Variants in GRM7 observed in about 807,000 individuals in gnomAD.
The protein encoded by GRM7 is glutamate metabotropic receptor 7, also known as metabotropic glutamate receptor 7.
In GRM7, 35 loss-of-function variants were observed where a neutral mutation model predicts 84.5. The observed-to-expected ratio is 0.41, with a 90% CI of 0.32 to 0.55. GRM7 has a LOEUF of 0.55. Among genes scored for constraint, GRM7 ranks in the 20% least tolerant of loss-of-function variants. GRM7 has a pLI of 0.19. For synonymous variants in GRM7, 487 were observed against 455.1 expected (o/e 1.07, Z -0.89); for missense variants, 1,003 against 1,194.6 (o/e 0.84, Z 2.36).
rs778511571 is a variant in GRM7 at position 7,680,245 on chromosome 3, G to A, written c.2648G>A (p.Arg883Lys). ...SSRLSHKPSD[R>K]PNGEAKTELC... is the part of the protein sequence containing the mutation. The stretch of plus-strand genomic sequence containing the variant: ...AGGCTGTCACACAAACCCAGTGACA[G>A]ACCCAACGGTGAGGCAAAGACCGAG... Residue 883 changes from arginine to lysine, a missense_variant, in exon 9 of 10, where the codon AGA becomes AAA. Coordinates refer to ENST00000357716, the MANE Select transcript of GRM7 (RefSeq NM_000844.4). 4.6e-5 allele frequency: 74 copies of A among 1,614,056 alleles called. No individual in the cohort carries two copies. Among genetic ancestry groups the A allele is most frequent in the Non-Finnish European group, 6.0e-5 (71 of 1,179,986 alleles).
intron 5 of GRM7, among the ~76,000 whole-genome samples, chr3:7,435,770 A>G (rs1575332007): frequency 7.1e-6 from 1 of 141,548 alleles, no homozygotes. Flanking sequence ...TCACTGCAAG[A>G]TCTGCCTGCC....
At chr3:7,045,671 A>T (rs1210228475) in intron 1 of GRM7, among the ~76,000 whole-genome samples, 1 of 152,136 alleles carries the variant, frequency 6.6e-6, no homozygotes, top group Admixed American at 6.6e-5. Context: ...ATTTCACTTA[A>T]CATAATGACT....
intron 9 of GRM7, among the ~76,000 whole-genome samples, chr3:7,696,394 A>C (rs919928627): frequency 6.6e-6 from 1 of 152,186 alleles, no homozygotes; most frequent in Non-Finnish European, 1.5e-5. Flanking sequence ...GCAAGATGGC[A>C]AGTTTGTTTG....
intron 8 of GRM7, among the ~76,000 whole-genome samples, chr3:7,625,395 TA>T (rs1295551886): frequency 2.6e-5 from 4 of 152,176 alleles, no homozygotes; most frequent in Non-Finnish European, 5.9e-5. Context: ...ACAGGGGATA[TA>T]TTTTTTTAAT....
At chr3:6,992,093 A>G (rs1694656022) in intron 1 of GRM7, among the ~76,000 whole-genome samples, 2 of 152,214 alleles carry the variant, frequency 1.3e-5, no homozygotes, top group African/African-American at 4.8e-5. Context: ...GGAAAGAGAA[A>G]GAGAGGATGA....
chr3:7,246,380 C>A (rs1300080579), intron 2 of GRM7, among the ~76,000 whole-genome samples: 1 of 152,088 alleles, frequency 6.6e-6, no homozygotes, highest in Non-Finnish European at 1.5e-5. Flanking sequence ...TTTGCAGGAG[C>A]CCTGGAAACT....
At chr3:6,968,706 T>G (rs892963392) in intron 1 of GRM7, among the ~76,000 whole-genome samples, 1 of 152,204 alleles carries the variant, frequency 6.6e-6, no homozygotes, top group Non-Finnish European at 1.5e-5. Context: ...TTGTGCTCCT[T>G]TGGGCTCAGG....
chr3:6,960,097 G>A (rs1693231797), intron 1 of GRM7, among the ~76,000 whole-genome samples: 1 of 152,170 alleles, frequency 6.6e-6, no homozygotes, highest in Non-Finnish European at 1.5e-5. Flanking sequence ...TAATTCTAGT[G>A]TTAAATCAGG....
intron 1 of GRM7, among the ~76,000 whole-genome samples, chr3:6,972,965 G>A (rs1043749683): frequency 6.6e-6 from 1 of 152,194 alleles, no homozygotes; most frequent in African/African-American, 2.4e-5. Context: ...ATTTCATGGG[G>A]AAATGAGAAC....
chr3:7,011,565 G>A (rs897433386), intron 1 of GRM7, among the ~76,000 whole-genome samples: 2 of 152,170 alleles, frequency 1.3e-5, no homozygotes, highest in African/African-American at 4.8e-5. Context: ...CAGAGCCAGA[G>A]TAATTATCTC....
At chr3:7,664,558 C>T (rs905525430) in intron 8 of GRM7, among the ~76,000 whole-genome samples, 2 of 152,148 alleles carry the variant, frequency 1.3e-5, no homozygotes, top group Non-Finnish European at 2.9e-5. Context: ...ATATGCAGAA[C>T]GTGCAGGTGT....
intron 7 of GRM7, among the ~76,000 whole-genome samples, chr3:7,542,638 C>T (rs754539165): frequency 1.3e-5 from 2 of 151,546 alleles, no homozygotes; most frequent in African/African-American, 2.4e-5. Flanking sequence ...AACTTCACCT[C>T]CCGGGTTCAA....
chr3:7,362,775 G>A (rs1247937981), intron 4 of GRM7, among the ~76,000 whole-genome samples: 1 of 152,068 alleles, frequency 6.6e-6, no homozygotes, highest in African/African-American at 2.4e-5. Flanking sequence ...CAGTCCTACT[G>A]CCTGATACTT....
At chr3:7,101,142 G>A (rs1001037852) in intron 1 of GRM7, among the ~76,000 whole-genome samples, 4 of 151,652 alleles carry the variant, frequency 2.6e-5, no homozygotes, top group African/African-American at 9.7e-5. Context: ...GGGTCATAGG[G>A]TAGCTTTTAT....
intron 9 of GRM7, chr3:7,686,247 G>A (rs1239570948): frequency 6.9e-6 from 4 of 581,604 alleles, no homozygotes; most frequent in African/African-American, 1.9e-5. Context: ...TGGGCATGAT[G>A]TGTATGGTCT....
intron 8 of GRM7, among the ~76,000 whole-genome samples, chr3:7,644,145 T>C (rs1167550821): frequency 7.1e-6 from 1 of 140,576 alleles, no homozygotes; most frequent in Non-Finnish European, 1.6e-5. Context: ...TGTATATATA[T>C]GTCTGTACGT....
chr3:7,499,416 C>G (rs781306951), intron 7 of GRM7, among the ~76,000 whole-genome samples: 6 of 152,140 alleles, frequency 3.9e-5, no homozygotes, highest in Non-Finnish European at 8.8e-5. Context: ...TTTACAAAAC[C>G]ATCAAACGCT....
intron 8 of GRM7, among the ~76,000 whole-genome samples, chr3:7,666,359 G>C (rs1699701449): frequency 6.6e-6 from 1 of 152,220 alleles, no homozygotes; most frequent in Admixed American, 6.5e-5. Context: ...ATATTCAAGA[G>C]AGACTAGCTA....
intron 4 of GRM7, among the ~76,000 whole-genome samples, chr3:7,352,404 A>C (rs1693201038): frequency 6.6e-6 from 1 of 152,124 alleles, no homozygotes; most frequent in Non-Finnish European, 1.5e-5. Context: ...TGGACAAAGT[A>C]ATAAAATAAA....
Sources: gnomAD v4.1 joint callset for allele counts (sites outside exome capture counted in the v4.1 genomes callset) on GRCh38, gnomAD v4.1.1 for gene constraint, MANE v1.5 for transcripts, NCBI Gene and HGNC (gene_info 2026-07-23, HGNC 2026-07-21) for gene names.